PAXBP1: variants seen among roughly 807,000 people sequenced by gnomAD.
PAXBP1 encodes the protein PAX3 and PAX7 binding protein 1, also known as PAX3- and PAX7-binding protein 1.
PAXBP1 carries 44 observed loss-of-function variants against 119.9 expected under a neutral mutation model. The ratio of observed to expected loss-of-function variants is 0.37; its 90% CI spans 0.29 to 0.47. PAXBP1 has a LOEUF of 0.47. PAXBP1 is among the 20% of genes least tolerant of loss of function. The probability of loss-of-function intolerance (pLI) is 0.99; values close to 1 mark genes in which losing one functional copy is unlikely to be tolerated. For missense variants in PAXBP1, 898 were observed against 1,134.1 expected, an observed-to-expected ratio of 0.79 and a Z score of 2.99; for synonymous variants, 393 against 406.6, an observed-to-expected ratio of 0.97 and a Z score of 0.40.
rs199507974 is a variant in PAXBP1 at position 32,737,330 on chromosome 21, G to C, written c.2560C>G (p.Arg854Gly). The change falls in exon 17 of 18, where the codon CGA (arginine) becomes GGA (glycine). Residue 854 changes from arginine (R) to glycine (G), a missense_variant. Transcript: ENST00000331923. ...RTISQLENFCRYLVHLADTIY... is the reference protein window; with the variant it reads ...RTISQLENFCGYLVHLADTIY... Reference sequence around the variant, plus strand: ...GTATCCGCTAAGTGTACAAGGTATCGGCAAAAGTTTTCTAACTGAGAAATA... The same window carrying C: ...GTATCCGCTAAGTGTACAAGGTATCCGCAAAAGTTTTCTAACTGAGAAATA... The C allele has an allele frequency of 3.3e-5, 53 of 1,608,476 alleles. No homozygotes were observed. The highest frequency in any genetic ancestry group is 5.4e-5 in the African/African-American group (4 of 74,590).
intron 15 of PAXBP1, among the ~76,000 whole-genome samples, chr21:32,739,724 A>G (rs2043748498): frequency 6.6e-6 from 1 of 151,614 alleles, no homozygotes; most frequent in Non-Finnish European, 1.5e-5. Flanking sequence ...GGCTAACATG[A>G]TGAAACCCCG....
At chr21:32,747,340 G>C (rs1274123723) in intron 11 of PAXBP1, among the ~76,000 whole-genome samples, 1 of 152,188 alleles carries the variant, frequency 6.6e-6, no homozygotes, top group Non-Finnish European at 1.5e-5. Flanking sequence ...GCTAGTTCAG[G>C]ACAGCAGAGC....
Position 32,771,366 on chromosome 21 carries a change from C to A in PAXBP1, c.303G>T (p.Val101=), listed in dbSNP as rs755237844. The stretch of plus-strand genomic sequence containing the variant: ...GGAAGCTGAGCAGGCTGGCCCGGGG[C>A]ACCTCTTTGTTCTCGCGAGGCCTCT... ...PRKRPRENKE[V]PRASLLSFQD... is the part of the protein sequence containing the mutation. The change falls in exon 1 of 18, where the codon GTG becomes GTT. Residue 101 remains valine, a synonymous_variant. Transcript: ENST00000331923. 8.2e-6 allele frequency: 13 copies of A among 1,584,962 alleles called. No individual in the cohort carries two copies. The Admixed American group carries it at 1.7e-4, about 21-fold the overall frequency.
At chr21:32,757,491 A>T (rs1374545435) in intron 7 of PAXBP1, among the ~76,000 whole-genome samples, 1 of 152,202 alleles carries the variant, frequency 6.6e-6, no homozygotes, top group East Asian at 1.9e-4. Context: ...GTATAACCAC[A>T]TTAGCATAAT....
At position 32,734,848 on chromosome 21, in the gene PAXBP1, A is replaced by G. The variant is rs1480454552; in HGVS notation, c.*102T>C. The stretch of plus-strand genomic sequence containing the variant: ...ATTGAATATAATGTTTTTTGTATTA[A>G]AACAAGAATTGCTATTTTACAGTTT... On this transcript the variant is annotated 3_prime_UTR_variant, in exon 18 of 18. Coordinates refer to ENST00000331923, the MANE Select transcript of PAXBP1 (RefSeq NM_016631.4). 1.2e-6 allele frequency: 1 copy of G among 829,138 alleles called. No homozygotes were observed. Among genetic ancestry groups the G allele is most frequent in the African/African-American group, 1.7e-5 (1 of 57,788 alleles). 51.4% of individuals were successfully genotyped at this position (829,138 alleles called of 1,614,324 possible). A position where few individuals can be genotyped will look rare whatever the true frequency, so the allele number is the denominator to read the frequency against.
intron 15 of PAXBP1, among the ~76,000 whole-genome samples, chr21:32,740,620 G>A (rs1006340462): frequency 6.6e-6 from 1 of 152,132 alleles, no homozygotes; most frequent in Non-Finnish European, 1.5e-5. Context: ...AGACCTAAAT[G>A]TAAAACCTAA....
rs2146510498 is a variant in PAXBP1, at chr21:32,760,322, A to G, written c.976-328T>C. Among the ~76,000 whole-genome samples the G allele has an allele frequency of 2.0e-5, 3 of 152,314 alleles. No individual in the cohort carries two copies. The South Asian group carries it at 6.2e-4, about 32-fold the overall frequency. On this transcript the variant is annotated intron_variant, in intron 5 of 17. Coordinates refer to ENST00000331923, the MANE Select transcript of PAXBP1 (RefSeq NM_016631.4). ...TCACAGAATCAATGGGCAACCAGAG[A>G]TTAGAATCTAAGACTCCTGACATCC...
At chr21:32,747,682 T>C (rs1329788307) in intron 11 of PAXBP1, among the ~76,000 whole-genome samples, 1 of 152,096 alleles carries the variant, frequency 6.6e-6, no homozygotes, top group Non-Finnish European at 1.5e-5. Flanking sequence ...CCCACGTTGG[T>C]AACTTCTAAA....
chr21:32,756,153 T>A, intron 7 of PAXBP1: 1 of 354,104 alleles, frequency 2.8e-6, no homozygotes, highest in Middle Eastern at 5.8e-4. Flanking sequence ...CAAAAGAACA[T>A]GAGAGCTAAC....
Position 32,764,464 on chromosome 21 carries a change from A to G in PAXBP1, c.533T>C (p.Ile178Thr). The change falls in exon 3 of 18, where the codon ATC becomes ACC. Residue 178 changes from isoleucine to threonine, a missense_variant. By Grantham distance (89) the Ile-to-Thr change is moderately conservative (BLOSUM62 -1). Transcript: ENST00000331923. ...VKDTNQEDGV[I>T]ISEHGEDEMD... ...TTCATCTTCACCATGTTCACTGATGATAACTCCATCTTCTTGATTTGTATC... is the reference window on the plus strand; with the variant it reads ...TTCATCTTCACCATGTTCACTGATGGTAACTCCATCTTCTTGATTTGTATC... The G allele has an allele frequency of 8.1e-6, 13 of 1,613,804 alleles. No individual in the cohort carries two copies. The highest frequency in any genetic ancestry group is 1.1e-5 in the Non-Finnish European group (13 of 1,179,846).
At chr21:32,766,429 A>C (rs2146524054) in intron 2 of PAXBP1, among the ~76,000 whole-genome samples, 1 of 152,186 alleles carries the variant, frequency 6.6e-6, no homozygotes, top group East Asian at 1.9e-4. Context: ...ATTTACTACT[A>C]CTTCAGGAAA....
chr21:32,750,895 T>C (rs1011417048), intron 10 of PAXBP1, 22 bp downstream of exon 10: 3 of 1,561,752 alleles, frequency 1.9e-6, no homozygotes, highest in Non-Finnish European at 1.8e-6. Flanking sequence ...TGATGAGTCT[T>C]ATTTCCAAAT....
chr21:32,746,200 G>A (rs1030762882), intron 11 of PAXBP1, among the ~76,000 whole-genome samples: 5 of 152,062 alleles, frequency 3.3e-5, no homozygotes, highest in Admixed American at 2.0e-4. Context: ...TCAAGACATC[G>A]GCATGGGCAA....
rs758373861 is a variant in PAXBP1 at position 32,771,559 on chromosome 21, C to G, written c.110G>C (p.Gly37Ala). Residue 37 changes from glycine to alanine, a missense_variant, in exon 1 of 18, where the codon GGC (glycine) becomes GCC (alanine). Gly to Ala is a moderately conservative substitution (Grantham distance 60, BLOSUM62 0). Around this residue, in one of 2 missense-constraint regions of PAXBP1, gnomAD observed 299 missense variants for 281.4 expected, o/e 1.06. Coordinates refer to ENST00000331923, the MANE Select transcript of PAXBP1 (RefSeq NM_016631.4). ...QEPPPLLPPP[G>A]TGEEAGPGGG... ...ACCGGGGCCCGCCTCTTCGCCCGTG[C>G]CCGGCGGCGGCAACAACGGCGGCGG... 7 of 1,420,938 alleles carry G rather than the reference C, an allele frequency of 4.9e-6. No homozygotes were observed. Among genetic ancestry groups the G allele is most frequent in the Non-Finnish European group, 5.5e-6 (6 of 1,091,054 alleles). 88.0% of individuals were successfully genotyped at this position (1,420,938 alleles called of 1,614,324 possible).
chr21:32,741,440 T>C (rs1313757794), intron 15 of PAXBP1: 2 of 595,796 alleles, frequency 3.4e-6, no homozygotes, highest in East Asian at 2.8e-5. Context: ...TTGTCTACTA[T>C]GTTTAGGTTT....
intron 2 of PAXBP1, among the ~76,000 whole-genome samples, chr21:32,767,439 A>C (rs2044260087): frequency 6.6e-6 from 1 of 152,240 alleles, no homozygotes; most frequent in Non-Finnish European, 1.5e-5. Flanking sequence ...AGATGGCTTC[A>C]TCAACTTCAC....
intron 6 of PAXBP1, 183 bp downstream of exon 6, chr21:32,759,594 G>C: frequency 1.6e-6 from 1 of 634,940 alleles, no homozygotes; most frequent in Non-Finnish European, 2.7e-6. Context: ...ATTTTTCGAG[G>C]CTTCCACAGA....
chr21:32,771,414 G>C lies in PAXBP1; in HGVS notation c.255C>G (p.Pro85=), dbSNP rs767764107. The change falls in exon 1 of 18, where the codon CCC becomes CCG. Residue 85 remains proline (P), a synonymous_variant. Transcript: ENST00000331923. ...TCTTGCGCGGCTTCAGCCCGTTGCC[G>C]GGCTCCGCGCCGCCGGGGAAGCCGC... ...AGGGFPGGAE[P]GNGLKPRKRP... is the part of the protein sequence containing the mutation. 1.7e-5 allele frequency: 27 copies of C among 1,546,588 alleles called. No individual in the cohort carries two copies. The highest frequency in any genetic ancestry group is 1.1e-4 in the Admixed American group (6 of 53,102).
At chr21:32,742,781 A>T (rs1236211938) in intron 15 of PAXBP1, 2 of 297,944 alleles carry the variant, frequency 6.7e-6, no homozygotes, top group African/African-American at 2.2e-5. Context: ...CCTTTACCAC[A>T]GTATATTATT....
Sources: allele counts gnomAD v4.1 joint callset (sites outside exome capture counted in the v4.1 genomes callset), GRCh38; gene constraint gnomAD v4.1.1; regional missense constraint gnomAD v4.1.1; transcripts MANE v1.5; gene names NCBI Gene and HGNC (gene_info 2026-07-23, HGNC 2026-07-21).